The following TAFA1 variants were observed in gnomAD, a reference collection of about 807,000 sequenced individuals.
TAFA1 encodes the protein chemokine-like protein TAFA-1.
TAFA1 carries 4 observed loss-of-function variants against 18.5 expected under a neutral mutation model. The observed-to-expected ratio is 0.22, with a 90% confidence interval of 0.11 to 0.49. The LOEUF is 0.49. Among genes scored for constraint, TAFA1 ranks in the 20% least tolerant of loss-of-function variants. The pLI is 0.98. For missense variants in TAFA1, 147 were observed against 169.0 expected (o/e 0.87, Z 0.72); for synonymous variants, 56 against 55.2 (o/e 1.01, Z -0.06).
chr3:68,323,043 T>C (rs958609738), intron 2 of TAFA1, among the ~76,000 whole-genome samples: 2 of 152,198 alleles, frequency 1.3e-5, no homozygotes, highest in Admixed American at 1.3e-4. Context: ...TCAATAATCA[T>C]AATCACAATT....
chr3:68,074,623 G>C (rs2064801961), intron 2 of TAFA1, among the ~76,000 whole-genome samples: 1 of 152,216 alleles, frequency 6.6e-6, no homozygotes, highest in Non-Finnish European at 1.5e-5. Context: ...CTGACTGTGA[G>C]AGAGATTTGA....
intron 2 of TAFA1, among the ~76,000 whole-genome samples, chr3:68,018,135 A>G (rs1404231240): frequency 2.0e-5 from 3 of 152,200 alleles, no homozygotes; most frequent in Admixed American, 6.5e-5. Context: ...ACAAGATTTT[A>G]TTTCTTAATT....
intron 2 of TAFA1, among the ~76,000 whole-genome samples, chr3:68,279,065 C>T (rs541509333): frequency 6.6e-6 from 1 of 152,118 alleles, no homozygotes; most frequent in Non-Finnish European, 1.5e-5. Flanking sequence ...ATCAGGTCCT[C>T]AGTGGCCACT....
chr3:68,112,527 A>G (rs933971904), intron 2 of TAFA1, among the ~76,000 whole-genome samples: 3 of 152,190 alleles, frequency 2.0e-5, no homozygotes, highest in Admixed American at 6.5e-5. Flanking sequence ...TATTATATTT[A>G]ATGGTTAAAT....
chr3:68,391,416 A>G lies in TAFA1; in HGVS notation c.119-25864A>G, dbSNP rs896254795. ...ACCTGAAAGTGACAGGGAGAATGGA[A>G]CCAAGTTGGAAAATACTCTTCAGGA... On this transcript the variant is annotated intron_variant, in intron 2 of 4. Transcript: ENST00000478136. Among the ~76,000 whole-genome samples the G allele has an allele frequency of 1.1e-4, 16 of 152,326 alleles. No homozygotes were observed. The South Asian group carries it at 2.1e-3, about 20-fold the overall frequency.
At chr3:68,143,498 T>C (rs971559727) in intron 2 of TAFA1, among the ~76,000 whole-genome samples, 2 of 152,178 alleles carry the variant, frequency 1.3e-5, no homozygotes, top group African/African-American at 4.8e-5. Flanking sequence ...TTTATCAACT[T>C]CAGCATATTT....
intron 3 of TAFA1, among the ~76,000 whole-genome samples, chr3:68,420,706 A>G (rs1044797291): frequency 5.3e-5 from 8 of 152,140 alleles, no homozygotes; most frequent in African/African-American, 1.9e-4. Flanking sequence ...AATCCTATTG[A>G]ACATCCTGCA....
intron 3 of TAFA1, among the ~76,000 whole-genome samples, chr3:68,450,955 G>A (rs1305656030): frequency 6.6e-6 from 1 of 152,110 alleles, no homozygotes; most frequent in Non-Finnish European, 1.5e-5. Context: ...TTTACAATGA[G>A]GAAACTGAAC....
chr3:68,169,933 T>G (rs1208753632), intron 2 of TAFA1, among the ~76,000 whole-genome samples: 2 of 152,150 alleles, frequency 1.3e-5, no homozygotes, highest in Admixed American at 1.3e-4. Flanking sequence ...AGAAAGACCT[T>G]TCAAGAAACC....
At chr3:68,090,115 A>G (rs1470748816) in intron 2 of TAFA1, among the ~76,000 whole-genome samples, 1 of 152,194 alleles carries the variant, frequency 6.6e-6, no homozygotes, top group Non-Finnish European at 1.5e-5. Context: ...CAGGCATCCA[A>G]ATAGCTGAGA....
At chr3:68,085,844 A>T (rs1267932846) in intron 2 of TAFA1, among the ~76,000 whole-genome samples, 1 of 152,132 alleles carries the variant, frequency 6.6e-6, no homozygotes, top group Admixed American at 6.5e-5. Flanking sequence ...CATTTCCCCA[A>T]ATCTCTTTCC....
chr3:68,098,268 A>C (rs1235774032), intron 2 of TAFA1, among the ~76,000 whole-genome samples: 1 of 152,066 alleles, frequency 6.6e-6, no homozygotes, highest in African/African-American at 2.4e-5. Flanking sequence ...TTTTTTTTTA[A>C]ATGTTTCTGT....
At chr3:68,385,719 G>T (rs951557978) in intron 2 of TAFA1, among the ~76,000 whole-genome samples, 19 of 151,638 alleles carry the variant, frequency 1.3e-4, no homozygotes, top group African/African-American at 4.6e-4. Context: ...AACTCTACTT[G>T]CCTCCTTTTT....
At chr3:68,246,482 C>A (rs917368922) in intron 2 of TAFA1, among the ~76,000 whole-genome samples, 1 of 149,676 alleles carries the variant, frequency 6.7e-6, no homozygotes, top group African/African-American at 2.5e-5. Context: ...CCCAGCTACT[C>A]GGAAGGCTGA....
At chr3:68,287,003 C>A (rs548150106) in intron 2 of TAFA1, among the ~76,000 whole-genome samples, 13 of 152,246 alleles carry the variant, frequency 8.5e-5, no homozygotes, top group African/African-American at 2.9e-4. Flanking sequence ...GTGGGGCCCC[C>A]GCAGTCAGCC....
At chr3:68,115,804 A>C (rs1200468415) in intron 2 of TAFA1, among the ~76,000 whole-genome samples, 2 of 152,176 alleles carry the variant, frequency 1.3e-5, no homozygotes, top group Non-Finnish European at 2.9e-5. Context: ...TGTTTATCTA[A>C]TTCAAAGCCT....
chr3:68,043,732 C>T (rs1705213659), intron 2 of TAFA1, among the ~76,000 whole-genome samples: 2 of 152,262 alleles, frequency 1.3e-5, no homozygotes, highest in East Asian at 1.9e-4. Context: ...TTGGATGTTG[C>T]TTGCCAGAGT....
intron 2 of TAFA1, among the ~76,000 whole-genome samples, chr3:68,217,281 G>A (rs992550716): frequency 2.0e-5 from 3 of 151,812 alleles, no homozygotes; most frequent in African/African-American, 7.3e-5. Flanking sequence ...AAAAATCATA[G>A]TTTATCTCTG....
At position 68,390,159 on chromosome 3, in the gene TAFA1, C is replaced by G. The variant is rs560358375; in HGVS notation, c.119-27121C>G. 6.6e-5 allele frequency among the ~76,000 whole-genome samples: 10 copies of G among 152,262 alleles called. 1 individual carries two copies. The South Asian group carries it at 1.9e-3, about 28-fold the overall frequency. On this transcript the variant is annotated intron_variant, in intron 2 of 4. Coordinates refer to ENST00000478136, the MANE Select transcript of TAFA1 (RefSeq NM_213609.4). ...CTGAAGTCAACCTGGGATGCTCAAG[C>G]TTGGTGGGGGAAGGGGCGTCCGCCA...
Sources: gnomAD v4.1 joint callset for allele counts (sites outside exome capture counted in the v4.1 genomes callset) on GRCh38, gnomAD v4.1.1 for gene constraint, MANE v1.5 for transcripts, NCBI Gene and HGNC (gene_info 2026-07-23, HGNC 2026-07-21) for gene names.